The following PODXL2 variants were observed in gnomAD, a reference collection of about 807,000 sequenced individuals.
The protein encoded by PODXL2 is podocalyxin like 2.
PODXL2 carries 17 observed loss-of-function variants against 53.4 expected under a neutral mutation model. The observed-to-expected ratio is 0.32, with a 90% CI of 0.22 to 0.48. PODXL2 has a LOEUF of 0.48. Ranked by LOEUF, PODXL2 falls within the 20% of genes least tolerant of loss-of-function variation. The pLI is 0.99. For missense variants in PODXL2, 673 were observed against 760.0 expected, an observed-to-expected ratio of 0.89 and a Z score of 1.35; for synonymous variants, 311 against 306.7, an observed-to-expected ratio of 1.01 and a Z score of -0.15.
chr3:127,641,943 G>A (rs1443284947), intron 2 of PODXL2, among the ~76,000 whole-genome samples: 4 of 152,070 alleles, frequency 2.6e-5, no homozygotes, highest in African/African-American at 7.2e-5. Flanking sequence ...ACACATTTTC[G>A]CACCTTCCTG....
At chr3:127,658,815 T>C (rs1477312388) in intron 2 of PODXL2, among the ~76,000 whole-genome samples, 4 of 98,328 alleles carry the variant, frequency 4.1e-5, no homozygotes, top group Admixed American at 1.0e-4. Context: ...AGATTCATGT[T>C]GCCAGCTCTG....
At chr3:127,660,324 A>T in intron 2 of PODXL2, 54 bp from the exon 3 acceptor site, 4 of 1,581,012 alleles carry the variant, frequency 2.5e-6, no homozygotes, top group Non-Finnish European at 3.4e-6. Context: ...GTAAATACTG[A>T]GTAAAGCAAT....
At chr3:127,648,449 G>A (rs2074668640) in intron 2 of PODXL2, among the ~76,000 whole-genome samples, 1 of 152,180 alleles carries the variant, frequency 6.6e-6, no homozygotes, top group Non-Finnish European at 1.5e-5. Context: ...GCAACAAAGA[G>A]AGCACTTTTA....
intron 7 of PODXL2, 81 bp downstream of exon 7, chr3:127,671,694 G>T: frequency 1.5e-6 from 2 of 1,348,302 alleles, no homozygotes; most frequent in Non-Finnish European, 2.1e-6. Flanking sequence ...GCAAGGGGAG[G>T]CAGTGACTCT....
intron 2 of PODXL2, among the ~76,000 whole-genome samples, chr3:127,652,921 G>A (rs1404973154): frequency 6.6e-6 from 1 of 152,094 alleles, no homozygotes; most frequent in African/African-American, 2.4e-5. Context: ...CTTGCCCTGG[G>A]TCACTGAGGG....
chr3:127,671,305 C>T, intron 6 of PODXL2, 129 bp from the exon 7 acceptor site: 3 of 802,964 alleles, frequency 3.7e-6, no homozygotes, highest in Non-Finnish European at 2.0e-6. Context: ...CAGGGAACTT[C>T]AGGAGCCGGG....
chr3:127,653,183 AAAAGCACCTTC>A (rs1406365231), intron 2 of PODXL2, among the ~76,000 whole-genome samples: 2 of 152,200 alleles, frequency 1.3e-5, no homozygotes, highest in Non-Finnish European at 2.9e-5. Context: ...CCTGAGTGGG[AAAAGCACCTTC>A]CTCCCTGTCT....
intron 2 of PODXL2, among the ~76,000 whole-genome samples, chr3:127,642,202 G>C (rs1024280763): frequency 6.6e-6 from 1 of 150,954 alleles, no homozygotes; most frequent in African/African-American, 2.4e-5. Context: ...AGGCAGGAGA[G>C]TTGCTTGAAC....
chr3:127,635,999 T>G (rs2074576297), intron 1 of PODXL2, among the ~76,000 whole-genome samples: 1 of 152,210 alleles, frequency 6.6e-6, no homozygotes, highest in South Asian at 2.1e-4. Flanking sequence ...AGGCTAGCCT[T>G]GAGCAGAATC....
Position 127,660,532 on chromosome 3 carries a change from G to T in PODXL2, c.504G>T (p.Glu168Asp). 13 of 1,613,944 alleles carry T rather than the reference G, an allele frequency of 8.1e-6. No homozygotes were observed. Among genetic ancestry groups the T allele is most frequent in the Non-Finnish European group, 1.1e-5 (13 of 1,179,846 alleles). The change falls in exon 3 of 8, where the codon GAG becomes GAT. Residue 168 changes from glutamate to aspartate, a missense_variant. Coordinates refer to ENST00000342480, the MANE Select transcript of PODXL2 (RefSeq NM_015720.4). ...CCAGAGAGGAGGAAGAAGAGGAAGA[G>T]GAAGAGGAGGAGAGGGAGAAGGAAG... ...MPPREEEEEE[E>D]EEEEREKEEV...
At chr3:127,656,857 CAGTGT>C (rs2074728117) in intron 2 of PODXL2, among the ~76,000 whole-genome samples, 1 of 151,308 alleles carries the variant, frequency 6.6e-6, no homozygotes, top group African/African-American at 2.4e-5. Flanking sequence ...CCAGCCTGGG[CAGTGT>C]AGAGAGACCC....
At chr3:127,633,801 T>C (rs1214828957) in intron 1 of PODXL2, among the ~76,000 whole-genome samples, 2 of 151,882 alleles carry the variant, frequency 1.3e-5, no homozygotes, top group African/African-American at 4.8e-5. Context: ...AGAGGAGTGG[T>C]GTCTCATCCA....
intron 2 of PODXL2, among the ~76,000 whole-genome samples, chr3:127,658,051 G>C (rs1180848355): frequency 6.6e-6 from 1 of 152,100 alleles, no homozygotes; most frequent in African/African-American, 2.4e-5. Flanking sequence ...TGTGAATCTT[G>C]GTTGTTCTTT....
At chr3:127,649,762 C>A (rs1002707311) in intron 2 of PODXL2, among the ~76,000 whole-genome samples, 1 of 152,138 alleles carries the variant, frequency 6.6e-6, no homozygotes, top group Non-Finnish European at 1.5e-5. Flanking sequence ...CATGGTGAAA[C>A]CCCGTCTCTA....
intron 2 of PODXL2, among the ~76,000 whole-genome samples, chr3:127,646,450 C>G (rs1052555206): frequency 4.0e-5 from 6 of 151,178 alleles, no homozygotes; most frequent in African/African-American, 1.5e-4. Flanking sequence ...AATGGTGCAA[C>G]AGTCTTGGCT....
chr3:127,643,609 CT>C (rs888575803), intron 2 of PODXL2, among the ~76,000 whole-genome samples: 5 of 151,098 alleles, frequency 3.3e-5, no homozygotes, highest in Admixed American at 6.6e-5. Context: ...TCCTTCTATT[CT>C]TTTTTTTTAA....
chr3:127,645,051 C>T (rs771061650), intron 2 of PODXL2, among the ~76,000 whole-genome samples: 3 of 152,244 alleles, frequency 2.0e-5, no homozygotes, highest in Non-Finnish European at 2.9e-5. Context: ...CAAACCCCTT[C>T]TCAAACCCCA....
intron 2 of PODXL2, among the ~76,000 whole-genome samples, chr3:127,640,833 T>C (rs2074613627): frequency 3.9e-5 from 6 of 152,346 alleles, no homozygotes; most frequent in Admixed American, 3.9e-4. Flanking sequence ...TAGGGACATT[T>C]TGTTTTCACT....
rs191970547 is a variant in PODXL2 at position 127,661,449 on chromosome 3, T to C, written c.1131+290T>C. Among the ~76,000 whole-genome samples the C allele has an allele frequency of 6.4e-4, 97 of 152,100 alleles. No individual in the cohort carries two copies. The East Asian group carries it at 0.018, about 28-fold the overall frequency. The stretch of plus-strand genomic sequence containing the variant: ...CTTAGACATCTTTTGTTTTTTTTTT[T>C]TCCCGAGATGGAGTCTCACTCTGTC... On this transcript the variant is annotated intron_variant, in intron 3 of 7. Coordinates refer to ENST00000342480, the MANE Select transcript of PODXL2 (RefSeq NM_015720.4).
Sources: allele counts gnomAD v4.1 joint callset (sites outside exome capture counted in the v4.1 genomes callset), GRCh38; gene constraint gnomAD v4.1.1; transcripts MANE v1.5; gene names NCBI Gene and HGNC (gene_info 2026-07-23, HGNC 2026-07-21).